The following JAKMIP3 variants were observed in gnomAD, a reference collection of about 807,000 sequenced individuals.
The protein encoded by JAKMIP3 is Janus kinase and microtubule interacting protein 3, also known as janus kinase and microtubule-interacting protein 3.
JAKMIP3 carries 58 observed loss-of-function variants against 118.5 expected under a neutral mutation model. That is an observed-to-expected ratio of 0.49 (90% CI 0.40 to 0.61). JAKMIP3 has a LOEUF of 0.61. JAKMIP3 is among the 20% of genes least tolerant of loss of function. The pLI, the probability that JAKMIP3 is intolerant of heterozygous loss-of-function variation, is 0.00. For synonymous variants in JAKMIP3, 486 were observed against 451.2 expected, an observed-to-expected ratio of 1.08 and a Z score of -0.98; for missense variants, 950 against 1,109.0, an observed-to-expected ratio of 0.86 and a Z score of 2.04.
chr10:132,067,405 C>T (rs1477265733), intron 1 of JAKMIP3, among the ~76,000 whole-genome samples: 1 of 152,186 alleles, frequency 6.6e-6, no homozygotes, highest in Non-Finnish European at 1.5e-5. Context: ...TGCTTCTCTC[C>T]CGACAGCCCT....
chr10:132,137,542 A>G (rs1197554160), intron 8 of JAKMIP3, among the ~76,000 whole-genome samples: 1 of 152,156 alleles, frequency 6.6e-6, no homozygotes, highest in Non-Finnish European at 1.5e-5. Context: ...TGGGACGATC[A>G]TGTTTCTCAG....
chr10:132,174,417 G>A (rs75116486), intron 23 of JAKMIP3, among the ~76,000 whole-genome samples: 4,542 of 151,752 alleles, frequency 0.03, 239 homozygotes, highest in African/African-American at 0.1. Flanking sequence ...CGTGGCCTCC[G>A]TGGGCTCAGT....
intron 3 of JAKMIP3, among the ~76,000 whole-genome samples, chr10:132,120,961 G>C (rs1367045325): frequency 6.6e-6 from 1 of 152,228 alleles, no homozygotes; most frequent in Non-Finnish European, 1.5e-5. Flanking sequence ...GGCACAGCGT[G>C]GTGTCCAGCC....
At chr10:132,091,055 GC>G (rs2043029113) in intron 1 of JAKMIP3, among the ~76,000 whole-genome samples, 1 of 152,232 alleles carries the variant, frequency 6.6e-6, no homozygotes, top group Admixed American at 6.5e-5. Flanking sequence ...TCATTCAGGA[GC>G]GGGTTGTTCA....
At chr10:132,134,588 A>G (rs1264160166) in intron 4 of JAKMIP3, among the ~76,000 whole-genome samples, 7 of 152,190 alleles carry the variant, frequency 4.6e-5, no homozygotes, top group Admixed American at 3.9e-4. Context: ...ATGTCATCGT[A>G]CCAGAGAAAT....
At chr10:132,133,068 C>T (rs540341237) in intron 3 of JAKMIP3, among the ~76,000 whole-genome samples, 271 of 152,294 alleles carry the variant, frequency 1.8e-3, no homozygotes, top group South Asian at 3.3e-3. Flanking sequence ...ACACAGAGCC[C>T]GGGGACCGTC....
At position 132,137,041 on chromosome 10, in the gene JAKMIP3, G is replaced by A. The variant is rs199828277; in HGVS notation, c.1139G>A (p.Arg380Gln). ...IEMRQRAGII[R>Q]RPSSLNDLDQ... ...CAGAGACAGAGAGCTGGAATCATACGGAGACCCAGTTCCTTGAATGACCTT... is the reference window on the plus strand; with the variant it reads ...CAGAGACAGAGAGCTGGAATCATACAGAGACCCAGTTCCTTGAATGACCTT... The change falls in exon 7 of 24, where the codon CGG (arginine) becomes CAG (glutamine). Residue 380 changes from arginine to glutamine, a missense_variant. Coordinates refer to ENST00000684848, the MANE Select transcript of JAKMIP3 (RefSeq NM_001323087.2). 8.4e-5 allele frequency: 136 copies of A among 1,613,842 alleles called. No individual in the cohort carries two copies. In the Middle Eastern group the frequency reaches 9.9e-4, roughly 12 times the overall value.
chr10:132,130,855 C>A (rs1023912164), intron 3 of JAKMIP3, among the ~76,000 whole-genome samples: 6 of 152,108 alleles, frequency 3.9e-5, no homozygotes, highest in African/African-American at 7.2e-5. Context: ...ATGCAGCTTC[C>A]CAGGCTCCAC....
At chr10:132,164,456 T>A (rs1232135353) in intron 20 of JAKMIP3, among the ~76,000 whole-genome samples, 1 of 152,256 alleles carries the variant, frequency 6.6e-6, no homozygotes, top group South Asian at 2.1e-4. Context: ...AAGGATATTG[T>A]TCCCACCACG....
chr10:132,074,002 A>AGTTCC (rs58007495), intron 1 of JAKMIP3, among the ~76,000 whole-genome samples: 63,173 of 151,602 alleles, frequency 0.42, 13,334 homozygotes, highest in Admixed American at 0.56. Flanking sequence ...AGCGTACAAG[A>AGTTCC]GTTCCCTTTT....
At chr10:132,181,016 GTGTA>G (rs905618463) in intron 23 of JAKMIP3, among the ~76,000 whole-genome samples, 15 of 143,520 alleles carry the variant, frequency 1.0e-4, no homozygotes, top group Admixed American at 3.3e-4. Context: ...CATGTGCAGT[GTGTA>G]TGTGCTGTTT....
rs1413285130 is a variant in JAKMIP3, at chr10:132,184,809, A to C, written c.*3556A>C. On this transcript the variant is annotated 3_prime_UTR_variant, in exon 24 of 24. Coordinates refer to ENST00000684848, the MANE Select transcript of JAKMIP3 (RefSeq NM_001323087.2). ...TTTAATAAAAAATGTTTTAAATCTTAGACGATTAAAGTCCCCTCAAAGGTA... is the reference window on the plus strand; with the variant it reads ...TTTAATAAAAAATGTTTTAAATCTTCGACGATTAAAGTCCCCTCAAAGGTA... 6.6e-6 allele frequency: 1 copy of C among 152,290 alleles called. No homozygotes were observed. Among genetic ancestry groups the C allele is most frequent in the African/African-American group, 2.4e-5 (1 of 41,480 alleles). The allele number at this position is 152,290 out of a possible 1,614,324, so 9.4% of individuals were successfully genotyped here.
intron 23 of JAKMIP3, among the ~76,000 whole-genome samples, chr10:132,173,466 G>A (rs1189809480): frequency 4.0e-5 from 6 of 151,738 alleles, no homozygotes; most frequent in African/African-American, 1.5e-4. Flanking sequence ...TGCCCCAGCT[G>A]GAGCACAATT....
At chr10:132,037,070 G>T (rs1589993124) in intron 1 of JAKMIP3, among the ~76,000 whole-genome samples, 1 of 152,230 alleles carries the variant, frequency 6.6e-6, no homozygotes, top group Non-Finnish European at 1.5e-5. Context: ...TGTGCCTCCC[G>T]CGGAAAGGGG....
chr10:132,135,810 A>G, intron 5 of JAKMIP3, 120 bp from the exon 6 acceptor site: 5 of 1,116,326 alleles, frequency 4.5e-6, no homozygotes, highest in Non-Finnish European at 5.0e-6. Flanking sequence ...GGACTTCCCA[A>G]GTAGAGGGCT....
intron 11 of JAKMIP3, among the ~76,000 whole-genome samples, chr10:132,142,654 C>T (rs1419489738): frequency 6.6e-5 from 10 of 152,196 alleles, no homozygotes; most frequent in Admixed American, 2.6e-4. Context: ...CACCAGGCCT[C>T]GTGGGGAGAG....
intron 3 of JAKMIP3, among the ~76,000 whole-genome samples, chr10:132,125,364 C>T (rs561149964): frequency 4.6e-5 from 7 of 152,368 alleles, no homozygotes; most frequent in South Asian, 4.1e-4. Context: ...GCACTTTGGT[C>T]GTGCATCAAG....
chr10:132,068,749 CAG>C (rs754464200), intron 1 of JAKMIP3, among the ~76,000 whole-genome samples: 3 of 152,192 alleles, frequency 2.0e-5, no homozygotes, highest in Non-Finnish European at 4.4e-5. Flanking sequence ...GGAAGGCTCT[CAG>C]GAGCTGAGTT....
At chr10:132,095,082 C>T (rs371750883) in intron 1 of JAKMIP3, among the ~76,000 whole-genome samples, 1 of 152,174 alleles carries the variant, frequency 6.6e-6, no homozygotes, top group African/African-American at 2.4e-5. Flanking sequence ...CACTGTGTCC[C>T]CCACAGCAGC....
Sources: gnomAD v4.1 joint callset for allele counts (sites outside exome capture counted in the v4.1 genomes callset) on GRCh38, gnomAD v4.1.1 for gene constraint, MANE v1.5 for transcripts, NCBI Gene and HGNC (gene_info 2026-07-23, HGNC 2026-07-21) for gene names.